The following PTK2B variants were observed in gnomAD, a reference collection of about 807,000 sequenced individuals.
PTK2B encodes protein tyrosine kinase 2 beta.
PTK2B carries 71 observed loss-of-function variants against 142.9 expected under a neutral mutation model. The ratio of observed to expected loss-of-function variants is 0.50; its 90% CI spans 0.41 to 0.61. PTK2B has a LOEUF of 0.61. Ranked by LOEUF, PTK2B falls within the 20% of genes least tolerant of loss-of-function variation. PTK2B has a pLI of 0.00. For missense variants in PTK2B, 1,105 were observed against 1,320.4 expected (o/e 0.84, Z 2.53); for synonymous variants, 519 against 503.4 (o/e 1.03, Z -0.42).
At chr8:27,454,714 C>A in intron 30 of PTK2B, 103 bp downstream of exon 30, 1 of 1,195,448 alleles carries the variant, frequency 8.4e-7, no homozygotes, top group Non-Finnish European at 1.2e-6. Context: ...TCATGTCTGT[C>A]CACTGAGTCC....
At chr8:27,377,325 G>A (rs1488633047) in intron 1 of PTK2B, among the ~76,000 whole-genome samples, 1 of 152,138 alleles carries the variant, frequency 6.6e-6, no homozygotes, top group Admixed American at 6.5e-5. Flanking sequence ...GTACATGATG[G>A]ATATTATTTT....
intron 1 of PTK2B, among the ~76,000 whole-genome samples, chr8:27,390,354 G>A (rs895642417): frequency 9.9e-5 from 15 of 152,196 alleles, no homozygotes; most frequent in African/African-American, 3.4e-4. Flanking sequence ...AGGTTTAAAG[G>A]CCAGGCATGG....
At chr8:27,414,604 C>CTG (rs1240144280) in intron 2 of PTK2B, among the ~76,000 whole-genome samples, 2 of 70,648 alleles carry the variant, frequency 2.8e-5, no homozygotes, top group African/African-American at 1.1e-4. Flanking sequence ...CTCTCTCTCT[C>CTG]TCTGTGTGTG....
chr8:27,310,668 T>G, upstream of PTK2B: 2 of 1,029,282 alleles, frequency 1.9e-6, no homozygotes, highest in Admixed American at 2.9e-5. Context: ...GTCGGAGAGG[T>G]GGGGTCCTGC....
chr8:27,337,469 C>G (rs1450206762), intron 1 of PTK2B, among the ~76,000 whole-genome samples: 2 of 152,126 alleles, frequency 1.3e-5, no homozygotes. Flanking sequence ...AGAATATTCT[C>G]GTCACTCCAA....
In PTK2B at chr8:27,458,662, C is replaced by T. The variant is rs980790185; in HGVS notation, c.*153C>T. 10 of 742,318 alleles carry T rather than the reference C, an allele frequency of 1.3e-5. No individual in the cohort carries two copies. Among genetic ancestry groups the T allele is most frequent in the Non-Finnish European group, 2.2e-5 (10 of 450,658 alleles). The allele number at this position is 742,318 out of a possible 1,614,324, so 46.0% of individuals were successfully genotyped here. ...CACGACGCCCTCTCCCCACCCCTACCCCTGGCTGTACTGCTCAGGCTGCAG... is the reference window on the plus strand; with the variant it reads ...CACGACGCCCTCTCCCCACCCCTACTCCTGGCTGTACTGCTCAGGCTGCAG... On this transcript the variant is annotated 3_prime_UTR_variant, in exon 31 of 31. Transcript: ENST00000346049.
intron 1 of PTK2B, among the ~76,000 whole-genome samples, chr8:27,352,582 G>C (rs1207943720): frequency 6.6e-6 from 1 of 152,178 alleles, no homozygotes; most frequent in Non-Finnish European, 1.5e-5. Flanking sequence ...GATATGGTTT[G>C]GCTGTGTCCC....
chr8:27,364,368 T>C (rs1024994157), intron 1 of PTK2B, among the ~76,000 whole-genome samples: 1 of 152,216 alleles, frequency 6.6e-6, no homozygotes, highest in Non-Finnish European at 1.5e-5. Context: ...GGGAAAGAAG[T>C]GCGTAACGCA....
At chr8:27,344,014 TAAATAAA>T (rs1443249882) in intron 1 of PTK2B, among the ~76,000 whole-genome samples, 2 of 151,732 alleles carry the variant, frequency 1.3e-5, no homozygotes, top group Non-Finnish European at 2.9e-5. Context: ...AAAAAATAAA[TAAATAAA>T]AAATAAAAAA....
At position 27,444,277 on chromosome 8, in the gene PTK2B, GAT is replaced by G; in HGVS notation, c.2214+8_2214+9del. The G allele has an allele frequency of 1.9e-6, 3 of 1,611,826 alleles. No homozygotes were observed. The highest frequency in any genetic ancestry group is 2.5e-6 in the Non-Finnish European group (3 of 1,177,972). ...CTCCAAAGCTGCAGTTCCAGGTAAA[GAT>G]AGAACCAGAGGACGGGAACTTCAGG... On this transcript the variant is annotated splice_region_variant and intron_variant, in intron 23 of 30. Coordinates refer to ENST00000346049, the MANE Select transcript of PTK2B (RefSeq NM_173176.3).
intron 1 of PTK2B, among the ~76,000 whole-genome samples, chr8:27,337,596 T>A (rs1804151620): frequency 6.6e-6 from 1 of 152,254 alleles, no homozygotes; most frequent in African/African-American, 2.4e-5. Flanking sequence ...TCCATATAAG[T>A]GGAATTGTAC....
chr8:27,430,048 C>T (rs759258717), intron 5 of PTK2B, 45 bp from the exon 6 acceptor site: 6 of 1,570,252 alleles, frequency 3.8e-6, no homozygotes, highest in Non-Finnish European at 5.3e-6. Context: ...CTGACTGCCT[C>T]ATTCTCCAGC....
intron 2 of PTK2B, among the ~76,000 whole-genome samples, chr8:27,419,093 G>T (rs1809581969): frequency 6.6e-6 from 1 of 152,194 alleles, no homozygotes; most frequent in Non-Finnish European, 1.5e-5. Context: ...GGACTTCTAG[G>T]CAGCTGCCCG....
chr8:27,436,168 G>C (rs1810763656), intron 14 of PTK2B, 83 bp from the exon 15 acceptor site: 1 of 1,345,090 alleles, frequency 7.4e-7, no homozygotes, highest in Admixed American at 1.7e-5. Context: ...GTGACGCCTG[G>C]CTTTAGAGCC....
chr8:27,341,086 C>G lies in PTK2B; in HGVS notation c.-38+15405C>G, dbSNP rs1028802622. 3.3e-5 allele frequency among the ~76,000 whole-genome samples: 5 copies of G among 152,124 alleles called. No individual in the cohort carries two copies. In the South Asian group the frequency reaches 6.2e-4, roughly 19 times the overall value. On this transcript the variant is annotated intron_variant, in intron 1 of 30. Coordinates refer to ENST00000346049, the MANE Select transcript of PTK2B (RefSeq NM_173176.3). The stretch of plus-strand genomic sequence containing the variant: ...CTCAGCTATTCCATCGGGATGATGA[C>G]ACACAGAGGATGTTCAGGAGTAGAA...
chr8:27,408,389 G>A (rs1808854132), intron 2 of PTK2B, among the ~76,000 whole-genome samples: 2 of 152,222 alleles, frequency 1.3e-5, no homozygotes, highest in Non-Finnish European at 2.9e-5. Context: ...TAGACAGACA[G>A]GCCTGTCTGG....
Position 27,392,433 on chromosome 8 carries a change from T to C in PTK2B, c.-37-5115T>C, listed in dbSNP as rs1378310717. Among the ~76,000 whole-genome samples the C allele has an allele frequency of 1.3e-5, 2 of 152,122 alleles. 1 individual carries two copies. The highest frequency in any genetic ancestry group is 4.1e-4 in the South Asian group (2 of 4,826). ...TAGTCATGATGATAGAGCCTTTCACTGGTGTCCCACTTTATTGCTTACGAG... is the reference window on the plus strand; with the variant it reads ...TAGTCATGATGATAGAGCCTTTCACCGGTGTCCCACTTTATTGCTTACGAG... On this transcript the variant is annotated intron_variant, in intron 1 of 30. Transcript: ENST00000346049.
chr8:27,401,564 C>T (rs1808386970), intron 2 of PTK2B, among the ~76,000 whole-genome samples: 1 of 152,122 alleles, frequency 6.6e-6, no homozygotes, highest in African/African-American at 2.4e-5. Flanking sequence ...GTGTTCACTG[C>T]GGAGGGAACA....
At chr8:27,398,891 T>C (rs1337100396) in intron 2 of PTK2B, among the ~76,000 whole-genome samples, 1 of 152,246 alleles carries the variant, frequency 6.6e-6, no homozygotes, top group Admixed American at 6.5e-5. Context: ...AGAGTGTAAT[T>C]GATTATGTCA....
Sources: gnomAD v4.1 joint callset for allele counts (sites outside exome capture counted in the v4.1 genomes callset) on GRCh38, gnomAD v4.1.1 for gene constraint, MANE v1.5 for transcripts, NCBI Gene and HGNC (gene_info 2026-07-23, HGNC 2026-07-21) for gene names.